MRPL1: variants seen among roughly 807,000 people sequenced by gnomAD.
The protein encoded by MRPL1 is mitochondrial ribosomal protein L1.
MRPL1 carries 28 observed loss-of-function variants against 38.0 expected under a neutral mutation model. The ratio of observed to expected loss-of-function variants is 0.74; its 90% CI spans 0.55 to 1.01. MRPL1 has a LOEUF of 1.01. MRPL1 is among the 50% of genes least tolerant of loss of function. The probability of loss-of-function intolerance (pLI) is 0.00; values close to 1 mark genes in which losing one functional copy is unlikely to be tolerated. For synonymous variants in MRPL1, 123 were observed against 126.7 expected (o/e 0.97, Z 0.20); for missense variants, 358 against 389.8 (o/e 0.92, Z 0.69).
chr4:77,951,558 G>A (rs1293461900), intron 8 of MRPL1, among the ~76,000 whole-genome samples: 1 of 152,086 alleles, frequency 6.6e-6, no homozygotes, highest in Non-Finnish European at 1.5e-5. Flanking sequence ...AATATGACAT[G>A]AGTTCTATAA....
At chr4:77,878,815 G>C (rs1350892004) in intron 2 of MRPL1, among the ~76,000 whole-genome samples, 2 of 152,094 alleles carry the variant, frequency 1.3e-5, no homozygotes, top group Non-Finnish European at 2.9e-5. Flanking sequence ...GGAGGCGGAC[G>C]TTGCAGTGAG....
At chr4:77,950,112 T>G (rs1183325051) in intron 8 of MRPL1, among the ~76,000 whole-genome samples, 1 of 152,230 alleles carries the variant, frequency 6.6e-6, no homozygotes, top group African/African-American at 2.4e-5. Flanking sequence ...CCTTTGTAGA[T>G]TCCCACATTA....
At chr4:77,909,582 A>G (rs1352705839) in intron 7 of MRPL1, among the ~76,000 whole-genome samples, 1 of 152,192 alleles carries the variant, frequency 6.6e-6, no homozygotes, top group African/African-American at 2.4e-5. Flanking sequence ...TTCCAGAGTT[A>G]TGTGCTACTC....
chr4:77,932,317 T>C (rs1736863994), intron 7 of MRPL1, among the ~76,000 whole-genome samples: 1 of 152,178 alleles, frequency 6.6e-6, no homozygotes, highest in African/African-American at 2.4e-5. Flanking sequence ...AGCTGGTGCA[T>C]GATCACCTCT....
chr4:77,940,822 A>C (rs1358079478), intron 7 of MRPL1, among the ~76,000 whole-genome samples: 2 of 151,950 alleles, frequency 1.3e-5, no homozygotes, highest in Non-Finnish European at 2.9e-5. Context: ...TTTGTTTTTA[A>C]TTCTGTTTAT....
intron 5 of MRPL1, among the ~76,000 whole-genome samples, chr4:77,890,998 A>T (rs914616646): frequency 6.6e-6 from 1 of 152,064 alleles, no homozygotes; most frequent in African/African-American, 2.4e-5. Context: ...CCCTAAAAGT[A>T]CTCTAAATTT....
intron 6 of MRPL1, among the ~76,000 whole-genome samples, chr4:77,897,043 G>A (rs1273487849): frequency 5.3e-5 from 8 of 151,716 alleles, no homozygotes; most frequent in Non-Finnish European, 1.0e-4. Flanking sequence ...TTAGCATTTA[G>A]AAACTAAAAA....
intron 7 of MRPL1, among the ~76,000 whole-genome samples, chr4:77,930,505 G>A: frequency 6.6e-6 from 1 of 152,242 alleles, no homozygotes. Flanking sequence ...GGAATCTAAT[G>A]CCTGATGATC....
At chr4:77,889,258 G>A (rs949770985) in intron 5 of MRPL1, among the ~76,000 whole-genome samples, 3 of 152,168 alleles carry the variant, frequency 2.0e-5, no homozygotes, top group African/African-American at 7.2e-5. Context: ...AAATGTAAAA[G>A]AACAGAAATT....
chr4:77,905,575 T>C (rs1736140870), intron 6 of MRPL1, among the ~76,000 whole-genome samples: 2 of 151,036 alleles, frequency 1.3e-5, no homozygotes, highest in Middle Eastern at 3.5e-3. Flanking sequence ...ATCTTGATCA[T>C]TGGGGAAATG....
chr4:77,897,667 GTGT>G (rs1359294075), intron 6 of MRPL1, among the ~76,000 whole-genome samples: 1 of 152,218 alleles, frequency 6.6e-6, no homozygotes, highest in African/African-American at 2.4e-5. Context: ...GAGGAATTTG[GTGT>G]TGTATCATAC....
In MRPL1 at chr4:77,935,325, T is replaced by C. The variant is rs1289100131; in HGVS notation, c.778-14472T>C. Among the ~76,000 whole-genome samples the C allele has an allele frequency of 5.3e-5, 8 of 152,320 alleles. No individual in the cohort carries two copies. In the East Asian group the frequency reaches 1.5e-3, roughly 29 times the overall value. ...ATAAACATATAACAACATAATTAGC[T>C]TGTTAGGAGCTGTAGTGGTGGTCAG... is the stretch of plus-strand genomic sequence containing the variant. On this transcript the variant is annotated intron_variant, in intron 7 of 8. Coordinates refer to ENST00000315567, the MANE Select transcript of MRPL1 (RefSeq NM_020236.4).
At chr4:77,906,148 T>G (rs540156822) in intron 6 of MRPL1, among the ~76,000 whole-genome samples, 48 of 152,096 alleles carry the variant, frequency 3.2e-4, no homozygotes, top group African/African-American at 1.1e-3. Context: ...TAAGTGAGGG[T>G]GGGTGGCTCA....
intron 7 of MRPL1, among the ~76,000 whole-genome samples, chr4:77,945,751 G>C (rs539473759): frequency 1.3e-5 from 2 of 152,190 alleles, no homozygotes; most frequent in Non-Finnish European, 2.9e-5. Flanking sequence ...GGTTTTTATT[G>C]AGGACTTCAA....
chr4:77,935,645 C>G (rs1736952838), intron 7 of MRPL1, among the ~76,000 whole-genome samples: 1 of 152,184 alleles, frequency 6.6e-6, no homozygotes, highest in African/African-American at 2.4e-5. Context: ...ATCCACCTGC[C>G]TTGGCCTGCC....
chr4:77,918,997 C>T (rs933836947), intron 7 of MRPL1, among the ~76,000 whole-genome samples: 1 of 152,112 alleles, frequency 6.6e-6, no homozygotes, highest in African/African-American at 2.4e-5. Context: ...AGTAATATCG[C>T]TGGAATTGTT....
Position 77,906,967 on chromosome 4 carries a change from G to C in MRPL1, c.671-2299G>C, listed in dbSNP as rs1241031289. ...TTAGATTTTAAACTGCCTATGGGTA[G>C]TTGCTTTCACTTATAGCTGTAGTGC... On this transcript the variant is annotated intron_variant, in intron 6 of 8. Transcript: ENST00000315567. The C allele has an allele frequency of 5.1e-6, 5 of 985,056 alleles. No individual in the cohort carries two copies. The African/African-American group carries it at 7.0e-5, about 14-fold the overall frequency. The allele number at this position is 985,056 out of a possible 1,614,324, so 61.0% of individuals were successfully genotyped here.
chr4:77,863,500 C>T (rs1185627830), intron 1 of MRPL1, among the ~76,000 whole-genome samples: 1 of 123,858 alleles, frequency 8.1e-6, no homozygotes, highest in East Asian at 2.2e-4. Flanking sequence ...CAGTCTCGCT[C>T]TGCCACCCAG....
At chr4:77,927,217 GA>G (rs1232207457) in intron 7 of MRPL1, among the ~76,000 whole-genome samples, 2 of 152,156 alleles carry the variant, frequency 1.3e-5, no homozygotes, top group Non-Finnish European at 2.9e-5. Flanking sequence ...TTTAGTTACA[GA>G]GTGTCTAATA....
Sources: allele counts gnomAD v4.1 joint callset (sites outside exome capture counted in the v4.1 genomes callset), GRCh38; gene constraint gnomAD v4.1.1; transcripts MANE v1.5; gene names NCBI Gene and HGNC (gene_info 2026-07-23, HGNC 2026-07-21).